SUZ12: variants seen among roughly 807,000 people sequenced by gnomAD.
SUZ12 encodes SUZ12 polycomb repressive complex 2 subunit.
A neutral mutation model predicts 87.3 loss-of-function variants in SUZ12; 17 were observed. The observed-to-expected ratio is 0.19, with a 90% confidence interval of 0.13 to 0.29. The LOEUF is 0.29. SUZ12 is among the 10% of genes least tolerant of loss of function. The pLI is 1.00. For synonymous variants in SUZ12, 253 were observed against 312.4 expected (o/e 0.81, Z 2.01); for missense variants, 526 against 912.2 (o/e 0.58, Z 5.45).
At chr17:31,941,469 C>A (rs1336403296) in intron 3 of SUZ12, among the ~76,000 whole-genome samples, 13 of 151,926 alleles carry the variant, frequency 8.6e-5, no homozygotes, top group Non-Finnish European at 1.5e-4. Flanking sequence ...GTTGGCCAGG[C>A]TGGTCTCGAA....
At chr17:31,949,677 T>G in intron 4 of SUZ12, among the ~76,000 whole-genome samples, 3 of 9,524 alleles carry the variant, frequency 3.1e-4, no homozygotes, top group African/African-American at 1.4e-3. Flanking sequence ...CCCCCCCCCC[T>G]TTTTTTTTTT....
chr17:31,957,333 G>C (rs1567818615), intron 4 of SUZ12, among the ~76,000 whole-genome samples: 1 of 151,518 alleles, frequency 6.6e-6, no homozygotes. Context: ...TCCACCTCCT[G>C]AGTTCATGTA....
intron 9 of SUZ12, among the ~76,000 whole-genome samples, chr17:31,985,260 A>G (rs1300948167): frequency 2.6e-5 from 4 of 151,826 alleles, no homozygotes; most frequent in African/African-American, 9.7e-5. Context: ...TAACAATTCA[A>G]ATTTTATATT....
intron 10 of SUZ12, 30 bp from the exon 11 acceptor site, chr17:31,993,212 T>A: frequency 6.9e-7 from 1 of 1,446,500 alleles, no homozygotes. Context: ...AAGCAATGTT[T>A]TTATTGAATA....
intron 4 of SUZ12, among the ~76,000 whole-genome samples, chr17:31,949,785 G>A (rs1306061564): frequency 1.4e-5 from 2 of 138,296 alleles, no homozygotes; most frequent in Non-Finnish European, 3.1e-5. Flanking sequence ...CCGGGCTCAA[G>A]CAATTCACCT....
chr17:31,937,256 C>T lies in SUZ12; in HGVS notation c.10C>T (p.Gln4Ter), dbSNP rs1299892734. MAP[Q>*]KHGGGGGGGS... Reference sequence around the variant, plus strand: ...GGAGGCAGGAACCGCGATGGCGCCTCAGAAGCACGGCGGTGGGGGAGGGGG... The same window carrying T: ...GGAGGCAGGAACCGCGATGGCGCCTTAGAAGCACGGCGGTGGGGGAGGGGG... Residue 4 changes from glutamine (Q) to a stop codon, truncating the protein, a stop_gained, in exon 1 of 16, where the codon CAG becomes TAG. Coordinates refer to ENST00000322652, the MANE Select transcript of SUZ12 (RefSeq NM_015355.4). LOFTEE classifies it high-confidence loss of function. 1 of 1,399,154 alleles carries T rather than the reference C, an allele frequency of 7.1e-7. No homozygotes were observed. The highest frequency in any genetic ancestry group is 1.5e-5 in the African/African-American group (1 of 65,264). 86.7% of individuals were successfully genotyped at this position (1,399,154 alleles called of 1,614,324 possible).
At chr17:31,946,571 C>T (rs1474221562) in intron 3 of SUZ12, among the ~76,000 whole-genome samples, 2 of 152,100 alleles carry the variant, frequency 1.3e-5, no homozygotes, top group Admixed American at 6.6e-5. Flanking sequence ...ACACAAAACT[C>T]TCTTTGAGGA....
chr17:31,985,158 CAAAAAAA>C (rs34227080), intron 9 of SUZ12, among the ~76,000 whole-genome samples: 26 of 72,870 alleles, frequency 3.6e-4, no homozygotes, highest in South Asian at 1.9e-3. Flanking sequence ...GACTCTGTCT[CAAAAAAA>C]AAAAAAAAAA....
chr17:31,992,301 A>C (rs1411505908), intron 10 of SUZ12, among the ~76,000 whole-genome samples: 6 of 152,268 alleles, frequency 3.9e-5, no homozygotes, highest in Middle Eastern at 3.4e-3. Flanking sequence ...ACAACAACAA[A>C]AAAACACATT....
intron 15 of SUZ12, among the ~76,000 whole-genome samples, 171 bp downstream of exon 15, chr17:31,997,048 A>G (rs1405362121): frequency 6.6e-6 from 1 of 151,972 alleles, no homozygotes. Context: ...GGTTTTTTTT[A>G]GGTACAAAGA....
rs997333005 is a variant in SUZ12, at chr17:31,937,344, C to T, written c.98C>T (p.Ala33Val). ...GGFGGSAAVAAATASGGKSGG... is the reference protein window; with the variant it reads ...GGFGGSAAVAVATASGGKSGG... ...TTCGGGGGTTCGGCGGCGGTGGCGG[C>T]GGCGACGGCTTCGGGCGGCAAATCC... Residue 33 changes from alanine to valine, a missense_variant, in exon 1 of 16, where the codon GCG becomes GTG. Around this residue, in one of 9 missense-constraint regions of SUZ12, gnomAD observed 92 missense variants for 109.9 expected, o/e 0.84. Coordinates refer to ENST00000322652, the MANE Select transcript of SUZ12 (RefSeq NM_015355.4). 500 of 1,480,830 alleles carry T rather than the reference C, an allele frequency of 3.4e-4. No homozygotes were observed. Among genetic ancestry groups the T allele is most frequent in the Non-Finnish European group, 4.2e-4 (469 of 1,120,386 alleles). The allele number at this position is 1,480,830 out of a possible 1,614,324, so 91.7% of individuals were successfully genotyped here.
At chr17:31,978,568 A>C (rs555984279) in intron 8 of SUZ12, among the ~76,000 whole-genome samples, 49 of 152,226 alleles carry the variant, frequency 3.2e-4, no homozygotes, top group African/African-American at 1.1e-3. Context: ...AAACAATAGA[A>C]CCATAAATGT....
intron 5 of SUZ12, among the ~76,000 whole-genome samples, chr17:31,972,341 A>G (rs1908485300): frequency 2.7e-5 from 4 of 147,494 alleles, no homozygotes; most frequent in African/African-American, 1.0e-4. Flanking sequence ...GTGTATATAT[A>G]TGTGTATATA....
chr17:31,961,621 A>C (rs1037113559), intron 4 of SUZ12, among the ~76,000 whole-genome samples: 1 of 152,194 alleles, frequency 6.6e-6, no homozygotes, highest in East Asian at 1.9e-4. Context: ...AACTGTCTCA[A>C]ATCACCTGTG....
intron 10 of SUZ12, among the ~76,000 whole-genome samples, chr17:31,990,419 G>A (rs375469749): frequency 1.5e-4 from 22 of 150,928 alleles, no homozygotes; most frequent in African/African-American, 5.1e-4. Flanking sequence ...GCTGCAGTGC[G>A]GTGACGTGAT....
Position 31,967,959 on chromosome 17 carries a change from C to T in SUZ12, c.505+1763C>T, listed in dbSNP as rs1328888879. On this transcript the variant is annotated intron_variant, in intron 5 of 15. Coordinates refer to ENST00000322652, the MANE Select transcript of SUZ12 (RefSeq NM_015355.4). Reference sequence around the variant, plus strand: ...AGATGGAAGAATAGCTTGAGGCTTGCCTGGGCAACATAGGGAGAACCTGTC... The same window carrying T: ...AGATGGAAGAATAGCTTGAGGCTTGTCTGGGCAACATAGGGAGAACCTGTC... Among the ~76,000 whole-genome samples, 5 of 152,264 alleles carry T rather than the reference C, an allele frequency of 3.3e-5. No individual in the cohort carries two copies. In the East Asian group the frequency reaches 9.7e-4, roughly 30 times the overall value.
chr17:31,941,607 T>G (rs1161914425), intron 3 of SUZ12, among the ~76,000 whole-genome samples: 2 of 150,484 alleles, frequency 1.3e-5, no homozygotes, highest in Admixed American at 1.3e-4. Context: ...TGGAGTGCAG[T>G]GGCGCAACCT....
At chr17:31,940,544 T>C in intron 3 of SUZ12, 58 bp downstream of exon 3, 1 of 1,506,258 alleles carries the variant, frequency 6.6e-7, no homozygotes. Context: ...TATTTTAAAG[T>C]ACTATTTCTC....
intron 1 of SUZ12, among the ~76,000 whole-genome samples, chr17:31,939,111 T>A (rs1397585799): frequency 6.6e-6 from 1 of 152,240 alleles, no homozygotes; most frequent in Non-Finnish European, 1.5e-5. Flanking sequence ...TTAATTCAAC[T>A]CATTTTAAGC....
Sources: gnomAD v4.1 joint callset for allele counts (sites outside exome capture counted in the v4.1 genomes callset) on GRCh38, gnomAD v4.1.1 for gene constraint, gnomAD v4.1.1 regional missense constraint, MANE v1.5 for transcripts, NCBI Gene and HGNC (gene_info 2026-07-23, HGNC 2026-07-21) for gene names.